SEC11A: variants seen among roughly 807,000 people sequenced by gnomAD.
SEC11A encodes SEC11 homolog A, signal peptidase complex subunit, also known as signal peptidase complex catalytic subunit SEC11A.
Under a neutral mutation model 25.6 loss-of-function variants are expected in SEC11A, and 14 were observed. The ratio of observed to expected loss-of-function variants is 0.55; its 90% CI spans 0.36 to 0.85. SEC11A has a LOEUF of 0.85. SEC11A is among the 40% of genes least tolerant of loss of function. SEC11A has a pLI of 0.01. For missense variants in SEC11A, 153 were observed against 222.9 expected (o/e 0.69, Z 2.00); for synonymous variants, 83 against 76.4 (o/e 1.09, Z -0.45).
chr15:84,679,933 A>G, intron 4 of SEC11A: 1 of 1,529,490 alleles, frequency 6.5e-7, no homozygotes, highest in Non-Finnish European at 8.8e-7. Flanking sequence ...ACAACTTACA[A>G]TTCCTGTCCT....
intron 3 of SEC11A, 93 bp downstream of exon 3, chr15:84,687,532 C>T (rs1897463918): frequency 9.5e-7 from 1 of 1,050,244 alleles, no homozygotes; most frequent in East Asian, 2.9e-5. Flanking sequence ...AGAGGTTCCT[C>T]ACTGTTTTAC....
At chr15:84,681,787 T>C (rs1188095025) in intron 3 of SEC11A, among the ~76,000 whole-genome samples, 1 of 151,466 alleles carries the variant, frequency 6.6e-6, no homozygotes, top group Non-Finnish European at 1.5e-5. Context: ...TACTAAAGAA[T>C]TGTTTGGCCA....
At chr15:84,691,703 T>C (rs1388495514) in intron 1 of SEC11A, 59 bp from the exon 2 acceptor site, 1 of 944,928 alleles carries the variant, frequency 1.1e-6, no homozygotes, top group East Asian at 2.4e-5. Context: ...GGAAAGCAAC[T>C]GAAAGCAGTA....
In SEC11A at chr15:84,680,731, AC is replaced by A. The variant is rs1273499160; in HGVS notation, c.412del (p.Val138LeufsTer15). ...TACTTACCCCCTGGCTCTCCCCACA[AC>A]ATCTTTTTTCTCTAGCCAATGTTGT... ...QGQHWLEKKD[V>X]VGRARGFVPY... On this transcript the variant is annotated frameshift_variant, in exon 4 of 6. Transcript: ENST00000268220. LOFTEE classifies it high-confidence loss of function. The A allele has an allele frequency of 1.2e-6, 2 of 1,612,224 alleles. No homozygotes were observed. The highest frequency in any genetic ancestry group is 1.7e-6 in the Non-Finnish European group (2 of 1,178,868).
At chr15:84,670,174 C>A in intron 5 of SEC11A, 105 bp from the exon 6 acceptor site, 1 of 971,962 alleles carries the variant, frequency 1.0e-6, no homozygotes. Context: ...GCTAAACTAC[C>A]CAATTATTCT....
chr15:84,687,457 T>C (rs1366976992), intron 3 of SEC11A, among the ~76,000 whole-genome samples, 168 bp downstream of exon 3: 1 of 152,218 alleles, frequency 6.6e-6, no homozygotes, highest in African/African-American at 2.4e-5. Context: ...TAAATAATTA[T>C]TTACAGTTTT....
intron 3 of SEC11A, among the ~76,000 whole-genome samples, chr15:84,685,567 C>A (rs1163653879): frequency 6.6e-6 from 1 of 152,000 alleles, no homozygotes; most frequent in Non-Finnish European, 1.5e-5. Context: ...AGTCACCACA[C>A]CCAGCCAAAC....
intron 3 of SEC11A, among the ~76,000 whole-genome samples, chr15:84,682,271 C>T (rs1596071572): frequency 6.6e-6 from 1 of 151,264 alleles, no homozygotes; most frequent in Non-Finnish European, 1.5e-5. Flanking sequence ...AATGGATAAA[C>T]AGACCAATGG....
At chr15:84,690,473 CA>C (rs2141894636) in intron 2 of SEC11A, among the ~76,000 whole-genome samples, 1 of 152,114 alleles carries the variant, frequency 6.6e-6, no homozygotes, top group Non-Finnish European at 1.5e-5. Flanking sequence ...AAAAATTAAC[CA>C]GGCATGGTGG....
At chr15:84,674,502 A>C (rs1370762736) in intron 4 of SEC11A, among the ~76,000 whole-genome samples, 1 of 152,050 alleles carries the variant, frequency 6.6e-6, no homozygotes, top group Non-Finnish European at 1.5e-5. Context: ...AAAGAACCAC[A>C]ATCCTCAGCT....
intron 3 of SEC11A, chr15:84,685,797 C>CTTTTTTTTTTTTTTTTTTTTTTTTTTTTT: frequency 1.1e-5 from 1 of 90,810 alleles, no homozygotes; most frequent in Non-Finnish European, 2.0e-5. Flanking sequence ...AAATAAATTT[C>CTTTTTTTTTTTTTTTTTTTTTTTTTTTTT]TTTTTTTTTT....
chr15:84,682,976 CTG>C (rs2141882342), intron 3 of SEC11A, among the ~76,000 whole-genome samples: 2 of 152,168 alleles, frequency 1.3e-5, no homozygotes, highest in East Asian at 3.9e-4. Flanking sequence ...AAGCCGGAAA[CTG>C]GCTCACTAGA....
chr15:84,701,207 C>T (rs1399759740), intron 1 of SEC11A, among the ~76,000 whole-genome samples: 1 of 149,922 alleles, frequency 6.7e-6, no homozygotes. Context: ...TGGTGGCATG[C>T]ACTTATAGTC....
rs575775802 is a variant in SEC11A, at chr15:84,710,509, C to T, written c.51+5516G>A. Among the ~76,000 whole-genome samples, 11 of 152,080 alleles carry T rather than the reference C, an allele frequency of 7.2e-5. No homozygotes were observed. The South Asian group carries it at 2.3e-3, about 32-fold the overall frequency. ...AAAATTAGCCGGGAGTGGTGGTGCA[C>T]GCCTATAATCCCAGCTACTCTGGAG... On this transcript the variant is annotated intron_variant, in intron 1 of 5. Transcript: ENST00000268220.
chr15:84,715,138 C>T (rs1254866911), intron 1 of SEC11A, among the ~76,000 whole-genome samples: 1 of 151,438 alleles, frequency 6.6e-6, no homozygotes, highest in East Asian at 1.9e-4. Flanking sequence ...GTTATAAGTA[C>T]AAAAAATGCA....
chr15:84,691,076 T>C (rs1473702430), intron 2 of SEC11A, among the ~76,000 whole-genome samples: 2 of 148,082 alleles, frequency 1.4e-5, no homozygotes, highest in African/African-American at 2.5e-5. Flanking sequence ...TTTCTCTCTT[T>C]TTTTTTTTTT....
chr15:84,712,133 C>T (rs1163677405), intron 1 of SEC11A, among the ~76,000 whole-genome samples: 1 of 151,956 alleles, frequency 6.6e-6, no homozygotes, highest in Non-Finnish European at 1.5e-5. Flanking sequence ...CCCAACTACT[C>T]AGGAGGCTAA....
intron 1 of SEC11A, among the ~76,000 whole-genome samples, chr15:84,712,045 A>T (rs111915333): frequency 1.4e-4 from 21 of 152,156 alleles, no homozygotes; most frequent in African/African-American, 5.1e-4. Flanking sequence ...ATTTGAGACC[A>T]GCTTGGGCAG....
At chr15:84,673,594 A>C (rs949503697) in intron 4 of SEC11A, 1 of 152,980 alleles carries the variant, frequency 6.5e-6, no homozygotes, top group African/African-American at 2.4e-5. Context: ...CCTCTGTCAC[A>C]ACCGCTTGAT....
Sources: allele counts gnomAD v4.1 joint callset (sites outside exome capture counted in the v4.1 genomes callset), GRCh38; gene constraint gnomAD v4.1.1; transcripts MANE v1.5; gene names NCBI Gene and HGNC (gene_info 2026-07-23, HGNC 2026-07-21).